Variants in USP31 observed in about 807,000 individuals in gnomAD.
USP31 encodes ubiquitin specific peptidase 31, also known as ubiquitin carboxyl-terminal hydrolase 31.
USP31 carries 44 observed loss-of-function variants against 119.4 expected under a neutral mutation model. The ratio of observed to expected loss-of-function variants is 0.37; its 90% CI spans 0.29 to 0.47. USP31 has a LOEUF of 0.47. Ranked by LOEUF, USP31 falls within the 20% of genes least tolerant of loss-of-function variation. The pLI, the probability that USP31 is intolerant of heterozygous loss-of-function variation, is 0.99. For synonymous variants in USP31, 749 were observed against 705.6 expected, an observed-to-expected ratio of 1.06 and a Z score of -0.97; for missense variants, 1,643 against 1,730.2, an observed-to-expected ratio of 0.95 and a Z score of 0.89.
intron 7 of USP31, among the ~76,000 whole-genome samples, chr16:23,090,335 G>A (rs969870361): frequency 1.1e-4 from 16 of 152,050 alleles, no homozygotes; most frequent in African/African-American, 2.7e-4. Context: ...GCAGTGAACC[G>A]AGATCGCGCA....
intron 12 of USP31, 30 bp from the exon 13 acceptor site, chr16:23,080,201 G>A (rs763170217): frequency 1.3e-6 from 2 of 1,519,372 alleles, no homozygotes; most frequent in Non-Finnish European, 8.8e-7. Context: ...AAGTTCTGGT[G>A]ATATTTTAAT....
intron 1 of USP31, among the ~76,000 whole-genome samples, chr16:23,143,769 T>C (rs555334388): frequency 5.6e-4 from 85 of 152,114 alleles, no homozygotes; most frequent in Non-Finnish European, 1.1e-3. Flanking sequence ...GTCCTGCACA[T>C]TGTGTGACAT....
Position 23,090,950 on chromosome 16 carries a change from T to G in USP31, c.1235-146A>C, listed in dbSNP as rs111644485. ...GCAATCAAAAAAAGAAACATCCTAC[T>G]TAGATTACTCATCTAGCCGTTAGAG... On this transcript the variant is annotated intron_variant, in intron 6 of 15. Transcript: ENST00000219689. 5 of 721,008 alleles carry G rather than the reference T, an allele frequency of 6.9e-6. No homozygotes were observed. The East Asian group carries it at 1.4e-4, about 20-fold the overall frequency. The allele number at this position is 721,008 out of a possible 1,614,324, so 44.7% of individuals were successfully genotyped here.
rs535116381 is a variant in USP31, at chr16:23,071,681, G to A, written c.2488+364C>T. On this transcript the variant is annotated intron_variant, in intron 15 of 15. Transcript: ENST00000219689. ...AAGCCTGGAGCCGACTCCCCACCAC[G>A]TGGCCTGGGCAAAGCACAATCTCTC... Among the ~76,000 whole-genome samples, 26 of 151,376 alleles carry A rather than the reference G, an allele frequency of 1.7e-4. No individual in the cohort carries two copies. In the South Asian group the frequency reaches 4.0e-3, roughly 23 times the overall value.
intron 1 of USP31, among the ~76,000 whole-genome samples, chr16:23,110,961 T>G (rs558822426): frequency 6.6e-6 from 1 of 151,966 alleles, no homozygotes; most frequent in African/African-American, 2.4e-5. Flanking sequence ...ACCCCGTCTC[T>G]ACTAAAAATA....
Position 23,069,495 on chromosome 16 carries a change from A to G in USP31, c.2610T>C (p.Ser870=), listed in dbSNP as rs751354773. The G allele has an allele frequency of 6.2e-7, 1 of 1,614,248 alleles. No individual in the cohort carries two copies. Residue 870 remains serine (S), a synonymous_variant, in exon 16 of 16, where the codon TCT becomes TCC. Transcript: ENST00000219689. ...ENCMRPSWSL[S]AKLQMRSNSP... Reference sequence around the variant, plus strand: ...AATTGGAGCGCATCTGCAGCTTAGCAGACAGGGACCATGAAGGTCTCATGC... The same window carrying G: ...AATTGGAGCGCATCTGCAGCTTAGCGGACAGGGACCATGAAGGTCTCATGC...
chr16:23,130,718 A>C (rs1425275262), intron 1 of USP31, among the ~76,000 whole-genome samples: 1 of 152,206 alleles, frequency 6.6e-6, no homozygotes, highest in East Asian at 1.9e-4. Flanking sequence ...ATGACACGTA[A>C]ACATAAAATC....
Position 23,149,112 on chromosome 16 carries a change from G to A in USP31, c.159C>T (p.Ser53=), listed in dbSNP as rs1031307912. The A allele has an allele frequency of 2.3e-5, 29 of 1,261,774 alleles. No individual in the cohort carries two copies. The African/African-American group carries it at 3.3e-4, about 14-fold the overall frequency. The allele number at this position is 1,261,774 out of a possible 1,614,324, so 78.2% of individuals were successfully genotyped here. Residue 53 remains serine, a synonymous_variant, in exon 1 of 16, where the codon TCC becomes TCT. Coordinates refer to ENST00000219689, the MANE Select transcript of USP31 (RefSeq NM_020718.4). ...ASGPAAPSSP[S]SPSSARSVGS... is the part of the protein sequence containing the mutation. ...CCACCGAGCGTGCAGAGGAGGGCGA[G>A]GAGGGCGAGGAAGGCGCGGCCGGCC...
intron 12 of USP31, 104 bp from the exon 13 acceptor site, chr16:23,080,275 T>TA: frequency 1.1e-6 from 1 of 950,480 alleles, no homozygotes; most frequent in East Asian, 2.6e-5. Context: ...CGGTGTGAGT[T>TA]ACCTATCTGA....
intron 1 of USP31, among the ~76,000 whole-genome samples, chr16:23,113,463 A>G (rs1902388029): frequency 6.6e-6 from 1 of 152,146 alleles, no homozygotes; most frequent in African/African-American, 2.4e-5. Flanking sequence ...GGAGAGAGAG[A>G]GTGGCATCAT....
chr16:23,064,158 A>G lies in USP31; in HGVS notation c.*3888T>C, dbSNP rs1899973067. On this transcript the variant is annotated 3_prime_UTR_variant, in exon 16 of 16. Transcript: ENST00000219689. ...TATTGAAACTGTGCTTATGACTTGC[A>G]TACTATTTCAAAAATCCAACCCAGA... is the stretch of plus-strand genomic sequence containing the variant. 1 of 152,656 alleles carries G rather than the reference A, an allele frequency of 6.6e-6. No individual in the cohort carries two copies. The highest frequency in any genetic ancestry group is 2.4e-5 in the African/African-American group (1 of 41,468). The allele number at this position is 152,656 out of a possible 1,614,324, so 9.5% of individuals were successfully genotyped here.
chr16:23,133,466 T>C (rs1053845991), intron 1 of USP31, among the ~76,000 whole-genome samples: 3 of 152,162 alleles, frequency 2.0e-5, no homozygotes, highest in Admixed American at 6.5e-5. Context: ...GAGACGGCAA[T>C]GGATTTAGGA....
Position 23,123,729 on chromosome 16 carries a change from G to C in USP31, c.634-15546C>G, listed in dbSNP as rs367583472. 2.9e-3 allele frequency among the ~76,000 whole-genome samples: 447 copies of C among 152,244 alleles called. 3 individuals are homozygous for C. Among genetic ancestry groups the C allele is most frequent in the Middle Eastern group, 0.02 (6 of 294 alleles). Reference sequence around the variant, plus strand: ...AGAAACTGCAAAATAGTCGGGCATGGTGTCTCATGCCTGTAATCCCAACAC... The same window carrying C: ...AGAAACTGCAAAATAGTCGGGCATGCTGTCTCATGCCTGTAATCCCAACAC... On this transcript the variant is annotated intron_variant, in intron 1 of 15. Coordinates refer to ENST00000219689, the MANE Select transcript of USP31 (RefSeq NM_020718.4).
Position 23,067,886 on chromosome 16 carries a change from T to C in USP31, c.*160A>G, listed in dbSNP as rs1900143280. 5 of 925,962 alleles carry C rather than the reference T, an allele frequency of 5.4e-6. No individual in the cohort carries two copies. Among genetic ancestry groups the C allele is most frequent in the Non-Finnish European group, 6.1e-6 (4 of 651,078 alleles). The allele number at this position is 925,962 out of a possible 1,614,324, so 57.4% of individuals were successfully genotyped here. On this transcript the variant is annotated 3_prime_UTR_variant, in exon 16 of 16. Coordinates refer to ENST00000219689, the MANE Select transcript of USP31 (RefSeq NM_020718.4). Reference sequence around the variant, plus strand: ...AGGCGACGCTTTGAACAATTTGCAATTGAATTAGACACACACACGCATACA... The same window carrying C: ...AGGCGACGCTTTGAACAATTTGCAACTGAATTAGACACACACACGCATACA...
In USP31 at chr16:23,066,535, AGAACTT is replaced by A. The variant is rs1177797332; in HGVS notation, c.*1505_*1510del. Reference sequence around the variant, plus strand: ...GGATCTGTGCACCAAGGGTTCAAGAAGAACTTGAAGAGTCTGACGAAAAACGCTAAT... The same window carrying A: ...GGATCTGTGCACCAAGGGTTCAAGAAGAAGAGTCTGACGAAAAACGCTAAT... On this transcript the variant is annotated 3_prime_UTR_variant, in exon 16 of 16. Coordinates refer to ENST00000219689, the MANE Select transcript of USP31 (RefSeq NM_020718.4). The A allele has an allele frequency of 6.6e-6, 1 of 152,226 alleles. No individual in the cohort carries two copies. The highest frequency in any genetic ancestry group is 1.9e-4 in the East Asian group (1 of 5,198). 9.4% of individuals were successfully genotyped at this position (152,226 alleles called of 1,614,324 possible).
At chr16:23,115,766 G>C in intron 1 of USP31, 1 of 984,498 alleles carries the variant, frequency 1.0e-6, no homozygotes, top group South Asian at 4.7e-5. Flanking sequence ...ACACTTACCG[G>C]GTTTTCAAGT....
intron 9 of USP31, 42 bp downstream of exon 9, chr16:23,087,050 T>TG: frequency 7.0e-7 from 1 of 1,435,714 alleles, no homozygotes; most frequent in East Asian, 2.4e-5. Flanking sequence ...CATGAATATG[T>TG]GTGAGATTCT....
At position 23,068,213 on chromosome 16, in the gene USP31, G is replaced by C. The variant is rs980437808; in HGVS notation, c.3892C>G (p.Pro1298Ala). Residue 1298 changes from proline to alanine, a missense_variant, in exon 16 of 16, where the codon CCT (proline) becomes GCT (alanine). Transcript: ENST00000219689. ...TGKEQLVTKD[P>A]ASAKHSLLSA... ...AGCAGGGAATGTTTGGCAGAAGCAG[G>C]GTCCTTGGTGACAAGCTGCTCTTTT... 1.9e-6 allele frequency: 3 copies of C among 1,614,026 alleles called. No individual in the cohort carries two copies. Among genetic ancestry groups the C allele is most frequent in the African/African-American group, 1.3e-5 (1 of 74,902 alleles).
chr16:23,074,640 C>T (rs1596685135), intron 13 of USP31, among the ~76,000 whole-genome samples: 2 of 152,196 alleles, frequency 1.3e-5, no homozygotes, highest in Admixed American at 1.3e-4. Context: ...CCCTGCTTCC[C>T]TCAGGGAGGA....
Sources: allele counts gnomAD v4.1 joint callset (sites outside exome capture counted in the v4.1 genomes callset), GRCh38; gene constraint gnomAD v4.1.1; transcripts MANE v1.5; gene names NCBI Gene and HGNC (gene_info 2026-07-23, HGNC 2026-07-21).